The following VPS13A variants were observed in gnomAD, a reference collection of about 807,000 sequenced individuals.
The protein encoded by VPS13A is vacuolar protein sorting 13 homolog A.
In VPS13A, 264 loss-of-function variants were observed where a neutral mutation model predicts 390.9. The ratio of observed to expected loss-of-function variants is 0.68; its 90% CI spans 0.61 to 0.75. The LOEUF is 0.75. VPS13A is among the 30% of genes least tolerant of loss of function. The probability of loss-of-function intolerance (pLI) is 0.00; values close to 1 mark genes in which losing one functional copy is unlikely to be tolerated. For missense variants in VPS13A, 3,409 were observed against 3,733.9 expected, an observed-to-expected ratio of 0.91 and a Z score of 2.27; for synonymous variants, 1,231 against 1,227.1, an observed-to-expected ratio of 1.00 and a Z score of -0.07.
intron 34 of VPS13A, among the ~76,000 whole-genome samples, chr9:77,307,063 C>T (rs1468573536): frequency 3.9e-5 from 6 of 151,986 alleles, no homozygotes; most frequent in Non-Finnish European, 8.8e-5. Context: ...TGCACTATGC[C>T]TGGCTAATTT....
intron 71 of VPS13A, among the ~76,000 whole-genome samples, chr9:77,409,956 T>C (rs1834836902): frequency 6.6e-6 from 1 of 151,514 alleles, no homozygotes; most frequent in Non-Finnish European, 1.5e-5. Flanking sequence ...GCCACAAAGA[T>C]ACTCCTCAAG....
At chr9:77,226,690 A>C in intron 15 of VPS13A, 92 bp downstream of exon 15, 1 of 1,155,884 alleles carries the variant, frequency 8.7e-7, no homozygotes, top group Non-Finnish European at 1.2e-6. Context: ...ATAGACATTG[A>C]AATATATTTA....
chr9:77,218,069 A>T (rs1279807402), intron 10 of VPS13A, among the ~76,000 whole-genome samples: 3 of 146,406 alleles, frequency 2.0e-5, no homozygotes, highest in African/African-American at 7.6e-5. Flanking sequence ...CATGTTGGCC[A>T]TTTGCATATC....
chr9:77,253,265 T>C (rs1587424431), intron 22 of VPS13A, among the ~76,000 whole-genome samples: 1 of 152,220 alleles, frequency 6.6e-6, no homozygotes, highest in Non-Finnish European at 1.5e-5. Flanking sequence ...TTTGGAGAAA[T>C]ACATATTCAA....
intron 19 of VPS13A, among the ~76,000 whole-genome samples, chr9:77,241,544 T>C (rs1198872604): frequency 6.6e-6 from 1 of 152,126 alleles, no homozygotes; most frequent in Non-Finnish European, 1.5e-5. Flanking sequence ...GTGGTTCTGT[T>C]TTTCCTATCT....
intron 3 of VPS13A, among the ~76,000 whole-genome samples, chr9:77,202,776 T>C (rs1023651716): frequency 6.6e-6 from 1 of 152,174 alleles, no homozygotes; most frequent in African/African-American, 2.4e-5. Flanking sequence ...ATAAGGTAAT[T>C]TTTAGTGATA....
At position 77,273,363 on chromosome 9, in the gene VPS13A, T is replaced by C. The variant is rs755899500; in HGVS notation, c.2511T>C (p.Asp837=). Residue 837 remains aspartate (D), a splice_region_variant and synonymous_variant, in exon 24 of 72, where the codon GAT becomes GAC. Coordinates refer to ENST00000360280, the MANE Select transcript of VPS13A (RefSeq NM_033305.3). ...TGGAACTTCCATCTGTTTCTGAAGA[T>C]GGTAAAATGAAACTGCTTAAGGATA... The part of the protein sequence containing the change: ...PLLELPSVSE[D]DSEEEFFDAP... The C allele has an allele frequency of 6.2e-7, 1 of 1,605,444 alleles. No individual in the cohort carries two copies.
chr9:77,372,909 C>A (rs1832861905), intron 67 of VPS13A, among the ~76,000 whole-genome samples: 2 of 151,946 alleles, frequency 1.3e-5, no homozygotes, highest in African/African-American at 2.4e-5. Flanking sequence ...AATAAAATAC[C>A]TAGGAATCCA....
At chr9:77,184,192 C>T (rs531838985) in intron 1 of VPS13A, among the ~76,000 whole-genome samples, 70 of 152,290 alleles carry the variant, frequency 4.6e-4, no homozygotes, top group African/African-American at 1.6e-3. Context: ...ACCATCACCC[C>T]AGAAAGTCTT....
intron 23 of VPS13A, among the ~76,000 whole-genome samples, chr9:77,267,230 G>C (rs1264272403): frequency 1.3e-5 from 2 of 151,910 alleles, no homozygotes; most frequent in African/African-American, 4.8e-5. Context: ...TGATCCTTTG[G>C]AGGAGAAGAG....
At chr9:77,379,939 GTAGGTTGCTGAAA>G (rs2131609800) in intron 67 of VPS13A, among the ~76,000 whole-genome samples, 1 of 152,206 alleles carries the variant, frequency 6.6e-6, no homozygotes, top group African/African-American at 2.4e-5. Context: ...ATTTTTGAAA[GTAGGTTGCTGAAA>G]TCTTCAACTA....
chr9:77,278,482 C>G (rs1055596067), intron 26 of VPS13A, among the ~76,000 whole-genome samples: 1 of 152,096 alleles, frequency 6.6e-6, no homozygotes, highest in African/African-American at 2.4e-5. Flanking sequence ...GCGCTTATTT[C>G]TGTAATATTT....
intron 23 of VPS13A, among the ~76,000 whole-genome samples, chr9:77,260,456 C>A (rs1484619839): frequency 1.3e-5 from 2 of 150,662 alleles, no homozygotes; most frequent in African/African-American, 4.9e-5. Flanking sequence ...CCCAGGCTCA[C>A]GCCATTCTCC....
intron 46 of VPS13A, among the ~76,000 whole-genome samples, chr9:77,336,941 C>T (rs555747603): frequency 4.0e-5 from 6 of 151,226 alleles, no homozygotes; most frequent in East Asian, 3.9e-4. Context: ...GGACTACAGG[C>T]GCCCATCACC....
Position 77,341,691 on chromosome 9 carries a change from C to CTTTTTTT in VPS13A, c.7026+1164_7026+1170dup, listed in dbSNP as rs57841628. 5.5e-3 allele frequency among the ~76,000 whole-genome samples: 207 copies of CTTTTTTT among 37,844 alleles called. 16 individuals carry two copies. Among genetic ancestry groups the CTTTTTTT allele is most frequent in the African/African-American group, 8.2e-3 (76 of 9,304 alleles). The allele number at this position is 37,844 out of a possible 152,430, so 24.8% of individuals were successfully genotyped here. On this transcript the variant is annotated intron_variant, in intron 50 of 71. Transcript: ENST00000360280. ...AGTAAGTTCTACATGGACATCTTTC[C>CTTTTTTT]TTTTTTTTTTTTTTTTTTTTTTTTT... is the stretch of plus-strand genomic sequence containing the variant.
At chr9:77,193,792 C>T (rs934882339) in intron 1 of VPS13A, among the ~76,000 whole-genome samples, 2 of 152,142 alleles carry the variant, frequency 1.3e-5, no homozygotes, top group African/African-American at 4.8e-5. Flanking sequence ...CAGTTGCTAT[C>T]CTTTGAATGA....
intron 59 of VPS13A, among the ~76,000 whole-genome samples, chr9:77,363,535 C>T (rs1313653256): frequency 6.6e-6 from 1 of 151,760 alleles, no homozygotes; most frequent in Non-Finnish European, 1.5e-5. Context: ...AGCCTCCCTC[C>T]CGAGTAGCTG....
At chr9:77,317,857 A>G (rs1472899049) in intron 40 of VPS13A, among the ~76,000 whole-genome samples, 159 bp downstream of exon 40, 2 of 151,996 alleles carry the variant, frequency 1.3e-5, no homozygotes, top group Non-Finnish European at 2.9e-5. Context: ...ATATTATTTA[A>G]TACACATTTT....
intron 45 of VPS13A, among the ~76,000 whole-genome samples, chr9:77,330,850 C>T (rs1830241811): frequency 6.6e-6 from 1 of 151,626 alleles, no homozygotes; most frequent in African/African-American, 2.4e-5. Flanking sequence ...TCCCTCCTTC[C>T]TTCTTCCTTG....
Sources: allele counts gnomAD v4.1 joint callset (sites outside exome capture counted in the v4.1 genomes callset), GRCh38; gene constraint gnomAD v4.1.1; transcripts MANE v1.5; gene names NCBI Gene and HGNC (gene_info 2026-07-23, HGNC 2026-07-21).